The following PTPRD variants were observed in gnomAD, a reference collection of about 807,000 sequenced individuals.
PTPRD encodes receptor-type tyrosine-protein phosphatase delta.
In PTPRD, 34 loss-of-function variants were observed where a neutral mutation model predicts 214.5. The ratio of observed to expected loss-of-function variants is 0.16; its 90% CI spans 0.12 to 0.21. The LOEUF (loss-of-function observed/expected upper bound fraction) is 0.21. Ranked by LOEUF, PTPRD falls within the 10% of genes least tolerant of loss-of-function variation. The pLI is 1.00. For synonymous variants in PTPRD, 1,128 were observed against 845.7 expected (o/e 1.33, Z -5.79); for missense variants, 2,545 against 2,398.7 (o/e 1.06, Z -1.27).
chr9:9,981,483 T>A (rs1187934277), intron 4 of PTPRD, among the ~76,000 whole-genome samples: 1 of 151,234 alleles, frequency 6.6e-6, no homozygotes, highest in Non-Finnish European at 1.5e-5. Flanking sequence ...GCCTCCCGAG[T>A]AGCTGGGACT....
chr9:9,115,006 A>G (rs192568869), intron 10 of PTPRD, among the ~76,000 whole-genome samples: 1 of 152,264 alleles, frequency 6.6e-6, no homozygotes, highest in East Asian at 1.9e-4. Context: ...GATTTTAGAG[A>G]GGACCGTGTA....
chr9:9,105,955 C>T lies in PTPRD; in HGVS notation c.-143+77349G>A, dbSNP rs543851736. On this transcript the variant is annotated intron_variant, in intron 10 of 45. Transcript: ENST00000381196. ...GAAGTGGAGGGAAGCATTCAACTTC[C>T]TAAGGCAGAATCTCTGTAGACCTGC... Among the ~76,000 whole-genome samples the T allele has an allele frequency of 3.1e-3, 466 of 152,082 alleles. 4 individuals carry two copies. Among genetic ancestry groups the T allele is most frequent in the Non-Finnish European group, 4.6e-3 (315 of 67,952 alleles).
At chr9:8,823,815 G>T (rs1191113382) in intron 11 of PTPRD, among the ~76,000 whole-genome samples, 1 of 152,174 alleles carries the variant, frequency 6.6e-6, no homozygotes, top group Non-Finnish European at 1.5e-5. Flanking sequence ...AGTTTGCAGT[G>T]CAAAGTGAAA....
intron 10 of PTPRD, among the ~76,000 whole-genome samples, chr9:9,110,846 G>C (rs1024287111): frequency 5.9e-5 from 9 of 152,150 alleles, no homozygotes; most frequent in Non-Finnish European, 7.4e-5. Context: ...GATTTTACTA[G>C]AATGTAGCCA....
chr9:10,022,411 T>C (rs984215471), intron 4 of PTPRD, among the ~76,000 whole-genome samples: 2 of 149,230 alleles, frequency 1.3e-5, no homozygotes, highest in African/African-American at 5.0e-5. Context: ...CAGTGAGCAA[T>C]GAATAAATGT....
At chr9:9,695,450 T>C (rs2097355972) in intron 7 of PTPRD, among the ~76,000 whole-genome samples, 1 of 152,180 alleles carries the variant, frequency 6.6e-6, no homozygotes, top group African/African-American at 2.4e-5. Context: ...GCCCATGGTG[T>C]CTCCCTAGGT....
chr9:10,282,894 G>C (rs936478143), intron 3 of PTPRD, among the ~76,000 whole-genome samples: 6 of 152,056 alleles, frequency 3.9e-5, no homozygotes, highest in Admixed American at 6.6e-5. Context: ...CTTCCTTGAA[G>C]TCCCTCACCA....
intron 2 of PTPRD, among the ~76,000 whole-genome samples, chr9:10,539,210 A>C (rs887931304): frequency 6.6e-6 from 1 of 152,144 alleles, no homozygotes; most frequent in Non-Finnish European, 1.5e-5. Context: ...TTTGAGGTGG[A>C]GTCTCGCTCT....
intron 39 of PTPRD, among the ~76,000 whole-genome samples, chr9:8,355,158 G>A (rs2076655325): frequency 6.6e-6 from 1 of 152,086 alleles, no homozygotes; most frequent in East Asian, 1.9e-4. Context: ...GAGTTTACAT[G>A]AGAACTGATT....
chr9:9,176,427 C>G (rs780683218), intron 10 of PTPRD, among the ~76,000 whole-genome samples: 1 of 152,128 alleles, frequency 6.6e-6, no homozygotes, highest in Non-Finnish European at 1.5e-5. Context: ...TTCTTAGGTG[C>G]TTTTCTTCCT....
chr9:9,535,398 G>A (rs1330976711), intron 8 of PTPRD, among the ~76,000 whole-genome samples: 1 of 152,056 alleles, frequency 6.6e-6, no homozygotes, highest in African/African-American at 2.4e-5. Flanking sequence ...TTCATTGAAA[G>A]GTTGTGAACC....
chr9:10,174,194 A>G (rs971424632), intron 3 of PTPRD, among the ~76,000 whole-genome samples: 1 of 152,180 alleles, frequency 6.6e-6, no homozygotes, highest in African/African-American at 2.4e-5. Flanking sequence ...CCTCAGGTTG[A>G]AATTTGATCC....
At chr9:8,640,151 A>T (rs7875221) in intron 12 of PTPRD, among the ~76,000 whole-genome samples, 1 of 151,996 alleles carries the variant, frequency 6.6e-6, no homozygotes, top group Admixed American at 6.6e-5. Context: ...GCATGTCTTG[A>T]ACTCCAGGGC....
chr9:9,766,426 A>G (rs1565101371), intron 6 of PTPRD, among the ~76,000 whole-genome samples: 1 of 152,190 alleles, frequency 6.6e-6, no homozygotes, highest in African/African-American at 2.4e-5. Context: ...CAAAACCTAG[A>G]TACTTTTAGG....
intron 8 of PTPRD, among the ~76,000 whole-genome samples, chr9:9,434,139 G>A (rs2084266345): frequency 6.6e-6 from 1 of 152,124 alleles, no homozygotes; most frequent in South Asian, 2.1e-4. Flanking sequence ...ATTGTAATAT[G>A]AGTCCTAGAG....
intron 5 of PTPRD, among the ~76,000 whole-genome samples, chr9:9,785,717 C>A (rs2098918002): frequency 6.6e-6 from 1 of 151,974 alleles, no homozygotes; most frequent in East Asian, 1.9e-4. Flanking sequence ...AGTAAAATTC[C>A]AATAATGTCT....
At chr9:10,108,307 T>G (rs1364524658) in intron 3 of PTPRD, among the ~76,000 whole-genome samples, 1 of 152,150 alleles carries the variant, frequency 6.6e-6, no homozygotes, top group Non-Finnish European at 1.5e-5. Flanking sequence ...CAAACGTATT[T>G]TTTTTGTAGC....
intron 11 of PTPRD, among the ~76,000 whole-genome samples, chr9:8,972,815 G>A (rs946194133): frequency 2.6e-5 from 4 of 151,892 alleles, no homozygotes; most frequent in African/African-American, 9.7e-5. Flanking sequence ...AGGTTTGCAA[G>A]CTGTCCTGAG....
At chr9:10,576,067 A>G (rs1042075978) in intron 2 of PTPRD, among the ~76,000 whole-genome samples, 1 of 152,080 alleles carries the variant, frequency 6.6e-6, no homozygotes, top group Non-Finnish European at 1.5e-5. Flanking sequence ...TTGGAGTCTA[A>G]AAAAAATATT....
Sources: allele counts gnomAD v4.1 joint callset (sites outside exome capture counted in the v4.1 genomes callset), GRCh38; gene constraint gnomAD v4.1.1; transcripts MANE v1.5; gene names NCBI Gene and HGNC (gene_info 2026-07-23, HGNC 2026-07-21).